Variants in CNBD1 observed in about 807,000 individuals in gnomAD.
CNBD1 encodes the protein cyclic nucleotide binding domain containing 1.
Under a neutral mutation model 54.4 loss-of-function variants are expected in CNBD1, and 71 were observed. That is an observed-to-expected ratio of 1.30 (90% CI 1.08 to 1.59). The LOEUF is 1.59. Ranked by LOEUF, CNBD1 falls within the 40% of genes most tolerant of loss-of-function variation. The pLI is 0.00. For missense variants in CNBD1, 659 were observed against 518.0 expected, an observed-to-expected ratio of 1.27 and a Z score of -2.64; for synonymous variants, 182 against 170.7, an observed-to-expected ratio of 1.07 and a Z score of -0.51.
chr8:87,201,845 C>T (rs1813869758), intron 4 of CNBD1, among the ~76,000 whole-genome samples: 1 of 152,098 alleles, frequency 6.6e-6, no homozygotes, highest in South Asian at 2.1e-4. Context: ...CACTGTCTCC[C>T]AGGTTCAAGC....
intron 8 of CNBD1, among the ~76,000 whole-genome samples, chr8:87,329,941 G>A (rs1416059446): frequency 1.3e-5 from 2 of 151,944 alleles, no homozygotes; most frequent in African/African-American, 4.8e-5. Flanking sequence ...AAAAGGACTA[G>A]TGAGAGGAGA....
intron 6 of CNBD1, among the ~76,000 whole-genome samples, chr8:87,261,550 G>A (rs371208169): frequency 1.1e-4 from 16 of 143,308 alleles, no homozygotes; most frequent in African/African-American, 4.1e-4. Context: ...AAAAAAAAGA[G>A]AAATGACATA....
intron 10 of CNBD1, among the ~76,000 whole-genome samples, chr8:87,379,531 C>G (rs755498128): frequency 5.9e-5 from 9 of 151,938 alleles, no homozygotes; most frequent in Admixed American, 1.3e-4. Context: ...AACAAACTAT[C>G]TCTTGTTTGT....
intron 5 of CNBD1, among the ~76,000 whole-genome samples, chr8:87,231,016 A>C (rs1440440164): frequency 6.6e-6 from 1 of 152,150 alleles, no homozygotes; most frequent in Non-Finnish European, 1.5e-5. Flanking sequence ...TTCATGGCAG[A>C]CGGCGAAATG....
At chr8:87,047,981 T>C (rs1031298415) in intron 4 of CNBD1, among the ~76,000 whole-genome samples, 4 of 152,186 alleles carry the variant, frequency 2.6e-5, no homozygotes, top group Non-Finnish European at 5.9e-5. Flanking sequence ...CTTCTTCACA[T>C]TGGTACCTGG....
At chr8:87,356,783 G>A (rs1398080991) in intron 10 of CNBD1, among the ~76,000 whole-genome samples, 2 of 152,124 alleles carry the variant, frequency 1.3e-5, no homozygotes, top group Non-Finnish European at 2.9e-5. Flanking sequence ...TGACTAAAAG[G>A]GAGACAAGTG....
chr8:87,234,108 A>G lies in CNBD1; in HGVS notation c.578-2811A>G, dbSNP rs562194729. 3.3e-5 allele frequency among the ~76,000 whole-genome samples: 5 copies of G among 152,278 alleles called. No individual in the cohort carries two copies. The South Asian group carries it at 1.0e-3, about 32-fold the overall frequency. On this transcript the variant is annotated intron_variant, in intron 5 of 10. Coordinates refer to ENST00000518476, the MANE Select transcript of CNBD1 (RefSeq NM_173538.3). ...ATTGCAGCAATTCAGTCACATCTGT[A>G]AGTAAGCTCTACTTTTAATTCTAGT...
At chr8:87,414,585 G>C (rs917832297) in intron 2 of CNBD1, among the ~76,000 whole-genome samples, 1 of 151,744 alleles carries the variant, frequency 6.6e-6, no homozygotes, top group African/African-American at 2.4e-5. Flanking sequence ...AAGAAAGTAG[G>C]GGTTGGTTGG....
At chr8:87,118,151 TA>T (rs1364787194) in intron 4 of CNBD1, among the ~76,000 whole-genome samples, 1 of 151,598 alleles carries the variant, frequency 6.6e-6, no homozygotes, top group Non-Finnish European at 1.5e-5. Context: ...CCATCTCTAC[TA>T]AAAATACAAA....
At chr8:87,051,404 C>T (rs1810309489) in intron 4 of CNBD1, among the ~76,000 whole-genome samples, 3 of 152,004 alleles carry the variant, frequency 2.0e-5, no homozygotes, top group African/African-American at 4.8e-5. Context: ...CTGGGGAGAC[C>T]CTAACCCAGC....
intron 4 of CNBD1, among the ~76,000 whole-genome samples, chr8:86,959,221 G>A (rs571896759): frequency 6.6e-6 from 1 of 152,176 alleles, no homozygotes; most frequent in Non-Finnish European, 1.5e-5. Flanking sequence ...GAGATCCACT[G>A]TTAGTCTGAT....
intron 2 of CNBD1, among the ~76,000 whole-genome samples, chr8:87,387,868 T>C (rs539147918): frequency 3.3e-4 from 50 of 152,280 alleles, no homozygotes; most frequent in African/African-American, 1.2e-3. Flanking sequence ...AAAGCACTCC[T>C]CAGCAAGTGT....
chr8:87,117,698 G>A (rs1052183292), intron 4 of CNBD1, among the ~76,000 whole-genome samples: 6 of 152,180 alleles, frequency 3.9e-5, no homozygotes, highest in Admixed American at 2.0e-4. Context: ...AAATTGCAAA[G>A]ACTCAACTAT....
chr8:87,158,256 G>T (rs1812785943), intron 4 of CNBD1, among the ~76,000 whole-genome samples: 1 of 152,012 alleles, frequency 6.6e-6, no homozygotes, highest in Non-Finnish European at 1.5e-5. Context: ...CCATTTCCTT[G>T]TTTGCTAAGA....
At chr8:87,250,367 G>A (rs149072130) in intron 6 of CNBD1, among the ~76,000 whole-genome samples, 76 of 152,308 alleles carry the variant, frequency 5.0e-4, no homozygotes, top group African/African-American at 1.7e-3. Context: ...CTTGTACACT[G>A]TTGGTTGGAA....
chr8:87,137,070 CTATGTAAATTATATATATTTATATTA>C (rs1586281989), intron 4 of CNBD1, among the ~76,000 whole-genome samples: 6 of 112,530 alleles, frequency 5.3e-5, no homozygotes, highest in Non-Finnish European at 7.0e-5. Context: ...TATTTATATT[CTATGTAAATTATATATATTTATATTA>C]TATGTAAATT....
intron 8 of CNBD1, among the ~76,000 whole-genome samples, chr8:87,345,271 G>T (rs1428831103): frequency 1.3e-5 from 2 of 152,112 alleles, no homozygotes; most frequent in East Asian, 1.9e-4. Context: ...AAACTGAAGG[G>T]TTATATTAGT....
intron 4 of CNBD1, among the ~76,000 whole-genome samples, chr8:87,004,551 A>G (rs1444999051): frequency 6.6e-6 from 1 of 152,120 alleles, no homozygotes; most frequent in African/African-American, 2.4e-5. Context: ...CTAAAAAAAA[A>G]AAACCCTGTA....
At position 87,332,118 on chromosome 8, in the gene CNBD1, C is replaced by A. The variant is rs1281806460; in HGVS notation, c.1043-19567C>A. On this transcript the variant is annotated intron_variant, in intron 8 of 10. Transcript: ENST00000518476. Reference sequence around the variant, plus strand: ...ATCCCAGCACTTTGGAAGTCTGAGGCAGGTGGATCGTTTGAGGTCAGGAGT... The same window carrying A: ...ATCCCAGCACTTTGGAAGTCTGAGGAAGGTGGATCGTTTGAGGTCAGGAGT... 2.0e-5 allele frequency among the ~76,000 whole-genome samples: 3 copies of A among 152,222 alleles called. No individual in the cohort carries two copies. In the South Asian group the frequency reaches 6.2e-4, roughly 32 times the overall value.
Sources: gnomAD v4.1 joint callset for allele counts (sites outside exome capture counted in the v4.1 genomes callset) on GRCh38, gnomAD v4.1.1 for gene constraint, MANE v1.5 for transcripts, NCBI Gene and HGNC (gene_info 2026-07-23, HGNC 2026-07-21) for gene names.